The following MYO7B variants were observed in gnomAD, a reference collection of about 807,000 sequenced individuals.
MYO7B encodes myosin VIIB.
In MYO7B, 212 loss-of-function variants were observed where a neutral mutation model predicts 259.7. The observed-to-expected ratio is 0.82, with a 90% CI of 0.73 to 0.91. MYO7B has a LOEUF of 0.91. Ranked by LOEUF, MYO7B falls within the 40% of genes least tolerant of loss-of-function variation. The probability of loss-of-function intolerance (pLI) is 0.00; values close to 1 mark genes in which losing one functional copy is unlikely to be tolerated. For synonymous variants in MYO7B, 1,197 were observed against 1,166.4 expected, an observed-to-expected ratio of 1.03 and a Z score of -0.54; for missense variants, 2,732 against 2,813.5, an observed-to-expected ratio of 0.97 and a Z score of 0.66.
Position 127,590,774 on chromosome 2 carries a change from C to T in MYO7B, c.1992+545C>T, listed in dbSNP as rs1298198849. On this transcript the variant is annotated intron_variant, in intron 16 of 47. Coordinates refer to ENST00000409816, the MANE Select transcript of MYO7B (RefSeq NM_001393586.1). This position sits in a 1 kb window ranked among gnomAD's most constrained non-coding sequence, Gnocchi z 4.6. Reference sequence around the variant, plus strand: ...TGGGTGGGGAGTCCCACCCAGAGGCCGCATATGCAGGGATTCCCCAAACTA... The same window carrying T: ...TGGGTGGGGAGTCCCACCCAGAGGCTGCATATGCAGGGATTCCCCAAACTA... 1.3e-5 allele frequency among the ~76,000 whole-genome samples: 2 copies of T among 152,132 alleles called. No individual in the cohort carries two copies. The highest frequency in any genetic ancestry group is 1.9e-4 in the East Asian group (1 of 5,190).
rs1014565472 is a variant in MYO7B, at chr2:127,590,050, T to C, written c.1855-42T>C. On this transcript the variant is annotated intron_variant, in intron 15 of 47. Coordinates refer to ENST00000409816, the MANE Select transcript of MYO7B (RefSeq NM_001393586.1). This position sits in a 1 kb window ranked among gnomAD's most constrained non-coding sequence, Gnocchi z 4.6. ...CTACAGGGTCAGCTGTCCCAGGACA[T>C]GGCTCCTGAGACCCACTTGTGCTCT... 3 of 1,550,902 alleles carry C rather than the reference T, an allele frequency of 1.9e-6. No individual in the cohort carries two copies. Among genetic ancestry groups the C allele is most frequent in the Non-Finnish European group, 2.6e-6 (3 of 1,146,430 alleles).
At chr2:127,603,146 AC>A (rs974783522) in intron 19 of MYO7B, among the ~76,000 whole-genome samples, 1 of 152,124 alleles carries the variant, frequency 6.6e-6, no homozygotes, top group African/African-American at 2.4e-5. Context: ...TGAAGTCTTA[AC>A]CCCTCAAAGT....
chr2:127,628,049 A>C lies in MYO7B; in HGVS notation c.4461-323A>C, dbSNP rs902860889. On this transcript the variant is annotated intron_variant, in intron 33 of 47. Coordinates refer to ENST00000409816, the MANE Select transcript of MYO7B (RefSeq NM_001393586.1). This position sits in a 1 kb window ranked among gnomAD's most constrained non-coding sequence, Gnocchi z 4.8. ...CGAGGTTAGGTGGCTCAGAGTAAGCACATGGCAGAGCCGGCAGCTCATCTC... is the reference window on the plus strand; with the variant it reads ...CGAGGTTAGGTGGCTCAGAGTAAGCCCATGGCAGAGCCGGCAGCTCATCTC... 7 of 543,658 alleles carry C rather than the reference A, an allele frequency of 1.3e-5. No homozygotes were observed. The highest frequency in any genetic ancestry group is 2.5e-5 in the Non-Finnish European group (7 of 283,770). The allele number at this position is 543,658 out of a possible 1,614,324, so 33.7% of individuals were successfully genotyped here.
At chr2:127,571,483 G>A (rs990945769) in intron 6 of MYO7B, among the ~76,000 whole-genome samples, 1 of 54,962 alleles carries the variant, frequency 1.8e-5, no homozygotes, top group Non-Finnish European at 3.6e-5. Flanking sequence ...TTGTTTGTTT[G>A]TTTTTTATTT....
At chr2:127,562,667 T>C (rs1383867311) in intron 2 of MYO7B, among the ~76,000 whole-genome samples, 2 of 152,070 alleles carry the variant, frequency 1.3e-5, no homozygotes, top group African/African-American at 4.8e-5. Context: ...TTTGTATTTT[T>C]AGTAGAGATG....
At position 127,617,643 on chromosome 2, in the gene MYO7B, C is replaced by CT. The variant is rs552853963; in HGVS notation, c.3399-2697_3399-2696insT. ...TCAGCCTCCCGAGTAGCTGGGACTA[C>CT]AGGCGCCCGCCACCGCGCCCGGCTA... is the stretch of plus-strand genomic sequence containing the variant. On this transcript the variant is annotated intron_variant, in intron 26 of 47. Transcript: ENST00000409816. 3.0e-3 allele frequency among the ~76,000 whole-genome samples: 457 copies of CT among 150,392 alleles called. 4 individuals carry two copies. The highest frequency in any genetic ancestry group is 0.01 in the African/African-American group (420 of 40,786).
At chr2:127,553,351 G>A (rs906793949) in intron 1 of MYO7B, among the ~76,000 whole-genome samples, 24 of 152,208 alleles carry the variant, frequency 1.6e-4, no homozygotes, top group Non-Finnish European at 3.1e-4. Flanking sequence ...GCTTTTGGCA[G>A]TATGGTCATT....
In MYO7B at chr2:127,597,894, T is replaced by C. The variant is rs1036763195; in HGVS notation, c.2339+1338T>C. Among the ~76,000 whole-genome samples, 1 of 152,100 alleles carries C rather than the reference T, an allele frequency of 6.6e-6. No individual in the cohort carries two copies. The highest frequency in any genetic ancestry group is 1.5e-5 in the Non-Finnish European group (1 of 68,032). ...CTCAAGTGATCCGCCCGCCTCAGCC[T>C]CTCAAAGTGCTGGGATTGCAGGTGT... On this transcript the variant is annotated intron_variant, in intron 19 of 47. Transcript: ENST00000409816. The surrounding 1 kb of genome is among the most constrained non-coding windows in gnomAD (Gnocchi z 4.8).
chr2:127,609,998 G>A lies in MYO7B; in HGVS notation c.3174G>A (p.Gln1058=). The part of the protein sequence containing the change: ...LGREHGAQVP[Q]HSRSAQRSGC... ...GGGAGCACGGTGCCCAGGTTCCACAGCACAGTAGATCTGCACAGGCAAGTG... is the reference window on the plus strand; with the variant it reads ...GGGAGCACGGTGCCCAGGTTCCACAACACAGTAGATCTGCACAGGCAAGTG... The change falls in exon 24 of 48, where the codon CAG becomes CAA. Residue 1058 remains glutamine (Q), a synonymous_variant. Coordinates refer to ENST00000409816, the MANE Select transcript of MYO7B (RefSeq NM_001393586.1). The surrounding 1 kb of genome is among the most constrained non-coding windows in gnomAD (Gnocchi z 6.9). The A allele has an allele frequency of 6.2e-7, 1 of 1,609,340 alleles. No homozygotes were observed. The highest frequency in any genetic ancestry group is 8.5e-7 in the Non-Finnish European group (1 of 1,178,122).
At chr2:127,600,376 TC>T (rs984240287) in intron 19 of MYO7B, among the ~76,000 whole-genome samples, 1 of 152,170 alleles carries the variant, frequency 6.6e-6, no homozygotes, top group African/African-American at 2.4e-5. Context: ...ATTTATGTCT[TC>T]CCCTTTTTTT....
At chr2:127,550,124 A>G (rs2104817080) in intron 1 of MYO7B, among the ~76,000 whole-genome samples, 1 of 152,304 alleles carries the variant, frequency 6.6e-6, no homozygotes, top group African/African-American at 2.4e-5. Context: ...GGCTTGGACC[A>G]CATGGCCGCT....
At position 127,608,794 on chromosome 2, in the gene MYO7B, T is replaced by A. The variant is rs1680261019; in HGVS notation, c.2730T>A (p.Thr910=). 2.5e-6 allele frequency: 4 copies of A among 1,613,494 alleles called. No homozygotes were observed. The highest frequency in any genetic ancestry group is 3.4e-6 in the Non-Finnish European group (4 of 1,179,766). The part of the protein sequence containing the change: ...KKRRSIYDTV[T]DTEMVEKVFG... ...GCAGATCCATCTACGACACCGTCACTGACACGGAGATGGTGGAGAAGGTGT... is the reference window on the plus strand; with the variant it reads ...GCAGATCCATCTACGACACCGTCACAGACACGGAGATGGTGGAGAAGGTGT... Residue 910 remains threonine, a synonymous_variant, in exon 22 of 48, where the codon ACT becomes ACA. Transcript: ENST00000409816.
rs775138938 is a variant in MYO7B, at chr2:127,576,545, T to C, written c.736-50T>C. The C allele has an allele frequency of 8.6e-6, 11 of 1,273,350 alleles. No homozygotes were observed. The highest frequency in any genetic ancestry group is 1.2e-5 in the Non-Finnish European group (11 of 907,584). 78.9% of individuals were successfully genotyped at this position (1,273,350 alleles called of 1,614,324 possible). A position where few individuals can be genotyped will look rare whatever the true frequency, so the allele number is the denominator to read the frequency against. On this transcript the variant is annotated intron_variant, in intron 7 of 47. Transcript: ENST00000409816. This position sits in a 1 kb window ranked among gnomAD's most constrained non-coding sequence, Gnocchi z 4.9. ...AGAGGCAGTCTGAGGCCCTGAGGCC[T>C]CAGGGGAATGGCTCATGAATCTGTC...
At chr2:127,619,669 G>A (rs1339685032) in intron 26 of MYO7B, among the ~76,000 whole-genome samples, 1 of 152,146 alleles carries the variant, frequency 6.6e-6, no homozygotes. Context: ...TTCTTCTTGG[G>A]GGAGCTGGTT....
chr2:127,564,896 AC>A (rs1315708515), intron 3 of MYO7B, among the ~76,000 whole-genome samples: 1 of 152,214 alleles, frequency 6.6e-6, no homozygotes, highest in East Asian at 1.9e-4. Flanking sequence ...TATTCCAACA[AC>A]CTGCAAGGCT....
At chr2:127,592,255 C>G (rs1243283353) in intron 16 of MYO7B, among the ~76,000 whole-genome samples, 1 of 152,068 alleles carries the variant, frequency 6.6e-6, no homozygotes, top group Admixed American at 6.5e-5. Flanking sequence ...CTTACCCGGG[C>G]GTGGTGCTAC....
At chr2:127,605,783 C>A in intron 19 of MYO7B, 61 bp from the exon 20 acceptor site, 2 of 1,474,930 alleles carry the variant, frequency 1.4e-6, no homozygotes, top group Non-Finnish European at 1.9e-6. Context: ...AGTTTTTCTC[C>A]CTCAGAAGCT....
At chr2:127,552,756 C>G (rs1318251084) in intron 1 of MYO7B, among the ~76,000 whole-genome samples, 1 of 152,170 alleles carries the variant, frequency 6.6e-6, no homozygotes, top group African/African-American at 2.4e-5. Context: ...CAACAATGGG[C>G]AGCCAGAGGC....
intron 2 of MYO7B, among the ~76,000 whole-genome samples, chr2:127,562,735 C>G (rs1215393912): frequency 6.6e-6 from 1 of 151,770 alleles, no homozygotes; most frequent in Non-Finnish European, 1.5e-5. Flanking sequence ...ATCTGCCCGC[C>G]TCAGCCTCCC....
Sources: gnomAD v4.1 joint callset for allele counts (sites outside exome capture counted in the v4.1 genomes callset) on GRCh38, gnomAD v4.1.1 for gene constraint, Gnocchi (gnomAD v3.1) non-coding constraint, MANE v1.5 for transcripts, NCBI Gene and HGNC (gene_info 2026-07-23, HGNC 2026-07-21) for gene names.